The following CLTCL1 variants were observed in gnomAD, a reference collection of about 807,000 sequenced individuals.
The protein encoded by CLTCL1 is clathrin heavy chain 2.
Under a neutral mutation model 190.0 loss-of-function variants are expected in CLTCL1, and 159 were observed. The ratio of observed to expected loss-of-function variants is 0.84; its 90% CI spans 0.74 to 0.95. CLTCL1 has a LOEUF of 0.95. Among genes scored for constraint, CLTCL1 ranks in the 40% least tolerant of loss-of-function variants. The pLI is 0.00. For synonymous variants in CLTCL1, 752 were observed against 769.6 expected (o/e 0.98, Z 0.38); for missense variants, 1,878 against 2,033.4 (o/e 0.92, Z 1.47).
chr22:19,254,007 C>T lies in CLTCL1; in HGVS notation c.471G>A (p.Arg157=). 6.2e-7 allele frequency: 1 copy of T among 1,613,178 alleles called. No homozygotes were observed. The highest frequency in any genetic ancestry group is 8.5e-7 in the Non-Finnish European group (1 of 1,179,534). ...GCAGCCACTTCTGGTACTCATCAGTCCGGTAGTGAATCACCTGGCAGCCCA... is the reference window on the plus strand; with the variant it reads ...GCAGCCACTTCTGGTACTCATCAGTTCGGTAGTGAATCACCTGGCAGCCCA... ...SLVGCQVIHY[R]TDEYQKWLLL... The change falls in exon 3 of 33, where the codon CGG becomes CGA. Residue 157 remains arginine (R), a synonymous_variant. Transcript: ENST00000427926.
At chr22:19,234,872 C>T (rs1433967034) in intron 6 of CLTCL1, among the ~76,000 whole-genome samples, 166 bp from the exon 7 acceptor site, 1 of 152,102 alleles carries the variant, frequency 6.6e-6, no homozygotes, top group Non-Finnish European at 1.5e-5. Flanking sequence ...CAGCCGAAAG[C>T]CAAATGGTAA....
At chr22:19,225,897 C>A (rs1397655446) in intron 12 of CLTCL1, among the ~76,000 whole-genome samples, 1 of 152,188 alleles carries the variant, frequency 6.6e-6, no homozygotes, top group African/African-American at 2.4e-5. Context: ...AACACAATAG[C>A]TAGTTTAGCT....
chr22:19,291,554 C>A, intron 1 of CLTCL1, 46 bp downstream of exon 1: 2 of 1,322,718 alleles, frequency 1.5e-6, no homozygotes, highest in Non-Finnish European at 1.9e-6. Context: ...TCCGGCCCGG[C>A]GGAGGCGCGG....
chr22:19,259,198 C>A (rs182406598), intron 2 of CLTCL1, among the ~76,000 whole-genome samples: 10 of 152,266 alleles, frequency 6.6e-5, no homozygotes, highest in African/African-American at 2.4e-4. Flanking sequence ...CTCTGCCTCT[C>A]AGGTTCAAGA....
chr22:19,183,990 A>C (rs1555927138), intron 29 of CLTCL1: 2 of 330,760 alleles, frequency 6.0e-6, no homozygotes, highest in East Asian at 1.3e-4. Context: ...CCAGGGGAGC[A>C]GTTAGGAGGG....
At chr22:19,223,136 C>T (rs888677708) in intron 14 of CLTCL1, among the ~76,000 whole-genome samples, 5 of 152,144 alleles carry the variant, frequency 3.3e-5, no homozygotes, top group Non-Finnish European at 7.4e-5. Flanking sequence ...AGCACACCTG[C>T]GGTAAGGGCT....
rs1459648006 is a variant in CLTCL1, at chr22:19,222,687, C to T, written c.2415G>A (p.Gln805=). 6.3e-7 allele frequency: 1 copy of T among 1,589,682 alleles called. No homozygotes were observed. Among genetic ancestry groups the T allele is most frequent in the African/African-American group, 1.3e-5 (1 of 74,678 alleles). The change falls in exon 15 of 33, where the codon CAG becomes CAA. Residue 805 remains glutamine, a synonymous_variant. Coordinates refer to ENST00000427926, the MANE Select transcript of CLTCL1 (RefSeq NM_007098.4). The part of the protein sequence containing the change: ...NLQRYIEIYV[Q]KVNPSRTPAV... Reference sequence around the variant, plus strand: ...CACTCCAGGGAGCCAGCAGTACCTTCTGCACGTAGATCTCAATGTACCTCT... The same window carrying T: ...CACTCCAGGGAGCCAGCAGTACCTTTTGCACGTAGATCTCAATGTACCTCT...
At position 19,201,400 on chromosome 22, in the gene CLTCL1, C is replaced by T. The variant is rs781913317; in HGVS notation, c.3694G>A (p.Val1232Ile). The T allele has an allele frequency of 2.3e-5, 37 of 1,613,748 alleles. No homozygotes were observed. Among genetic ancestry groups the T allele is most frequent in the Non-Finnish European group, 3.1e-5 (36 of 1,179,858 alleles). ...GCTGCCTGATACTCACCGAGGTGAA[C>T]CAAGGTGGAAGCCAGGCGGGCAAAG... ...SNFARLASTL[V>I]HLGEYQAAVD... The change falls in exon 23 of 33, where the codon GTT (valine) becomes ATT (isoleucine). Residue 1232 changes from valine to isoleucine, a missense_variant. By Grantham distance (29) the Val-to-Ile change is conservative (BLOSUM62 3). Transcript: ENST00000427926.
At chr22:19,195,763 A>T (rs782449486) in intron 26 of CLTCL1, among the ~76,000 whole-genome samples, 15 of 152,092 alleles carry the variant, frequency 9.9e-5, no homozygotes, top group Non-Finnish European at 1.8e-4. Context: ...CTGCTGACAG[A>T]GAAACTCGGG....
chr22:19,187,756 T>C, intron 28 of CLTCL1, 28 bp from the exon 29 acceptor site: 1 of 1,609,036 alleles, frequency 6.2e-7, no homozygotes, highest in Non-Finnish European at 8.5e-7. Context: ...CTGTGAGGGA[T>C]GGGACACTGA....
At chr22:19,186,731 G>C (rs889240188) in intron 29 of CLTCL1, among the ~76,000 whole-genome samples, 6 of 151,970 alleles carry the variant, frequency 3.9e-5, no homozygotes, top group African/African-American at 1.2e-4. Flanking sequence ...CTCCCAAGTA[G>C]CTGGGATTGC....
intron 19 of CLTCL1, among the ~76,000 whole-genome samples, chr22:19,214,880 C>T (rs1049833169): frequency 6.6e-6 from 1 of 152,138 alleles, no homozygotes; most frequent in Admixed American, 6.5e-5. Context: ...GGGTTTCACC[C>T]ATGCTGGCTA....
chr22:19,208,838 T>C (rs2085130261), intron 21 of CLTCL1, 84 bp downstream of exon 21: 1 of 1,140,860 alleles, frequency 8.8e-7, no homozygotes, highest in Non-Finnish European at 1.2e-6. Flanking sequence ...ACGTAGAGAT[T>C]TGTGAGAATC....
At chr22:19,284,456 T>C (rs1007032244) in intron 1 of CLTCL1, among the ~76,000 whole-genome samples, 3 of 150,622 alleles carry the variant, frequency 2.0e-5, no homozygotes, top group Non-Finnish European at 1.5e-5. Flanking sequence ...AGGTCAGGAG[T>C]TGGAGACCAG....
intron 1 of CLTCL1, among the ~76,000 whole-genome samples, chr22:19,287,681 C>T (rs916399777): frequency 1.3e-5 from 2 of 152,056 alleles, no homozygotes; most frequent in Non-Finnish European, 2.9e-5. Flanking sequence ...TTTAGGGAAA[C>T]GGTAGTCATG....
chr22:19,274,544 C>A (rs2087431808), intron 2 of CLTCL1, among the ~76,000 whole-genome samples: 1 of 152,018 alleles, frequency 6.6e-6, no homozygotes, highest in African/African-American at 2.4e-5. Flanking sequence ...GAACAAAGAT[C>A]CTTTCAAATA....
intron 5 of CLTCL1, 56 bp from the exon 6 acceptor site, chr22:19,235,925 TA>T: frequency 7.1e-7 from 1 of 1,416,938 alleles, no homozygotes; most frequent in Non-Finnish European, 9.7e-7. Flanking sequence ...GCCATGCGGG[TA>T]AAAAGAGCTC....
chr22:19,226,361 TTTCCA>T lies in CLTCL1; in HGVS notation c.1800_1804del (p.Gly601Ter), dbSNP rs1569196110. ...CCGGTCGTAATGAGTAAACATTTTA[TTTCCA>T]AGGATGGCATCTGCAACCTATGAAA... On this transcript the variant is annotated frameshift_variant, in exon 12 of 33. Transcript: ENST00000427926. LOFTEE classifies it high-confidence loss of function. The T allele has an allele frequency of 6.2e-7, 1 of 1,614,038 alleles. No homozygotes were observed. The highest frequency in any genetic ancestry group is 8.5e-7 in the Non-Finnish European group (1 of 1,179,892).
intron 1 of CLTCL1, among the ~76,000 whole-genome samples, chr22:19,282,026 T>C (rs1555987009): frequency 6.6e-6 from 1 of 152,154 alleles, no homozygotes; most frequent in Non-Finnish European, 1.5e-5. Flanking sequence ...CTATTCTGCA[T>C]TCTTCAGAAA....
Sources: allele counts gnomAD v4.1 joint callset (sites outside exome capture counted in the v4.1 genomes callset), GRCh38; gene constraint gnomAD v4.1.1; transcripts MANE v1.5; gene names NCBI Gene and HGNC (gene_info 2026-07-23, HGNC 2026-07-21).